Variants in SIPA1L1 observed in about 807,000 individuals in gnomAD.
SIPA1L1 encodes the protein signal induced proliferation associated 1 like 1, also known as signal-induced proliferation-associated 1-like protein 1.
SIPA1L1 carries 26 observed loss-of-function variants against 162.7 expected under a neutral mutation model. The ratio of observed to expected loss-of-function variants is 0.16; its 90% confidence interval spans 0.12 to 0.22. SIPA1L1 has a LOEUF of 0.22. Among genes scored for constraint, SIPA1L1 ranks in the 10% least tolerant of loss-of-function variants. The probability of loss-of-function intolerance (pLI) is 1.00; values close to 1 mark genes in which losing one functional copy is unlikely to be tolerated. For synonymous variants in SIPA1L1, 829 were observed against 837.4 expected (o/e 0.99, Z 0.17); for missense variants, 1,874 against 2,241.0 (o/e 0.84, Z 3.31).
chr14:71,521,187 C>A (rs2052318436), intron 3 of SIPA1L1, among the ~76,000 whole-genome samples: 1 of 152,200 alleles, frequency 6.6e-6, no homozygotes, highest in African/African-American at 2.4e-5. Context: ...TGGCTAGGTA[C>A]ATGGCTGACA....
chr14:71,692,466 C>G (rs982050186), intron 13 of SIPA1L1, among the ~76,000 whole-genome samples: 1 of 152,224 alleles, frequency 6.6e-6, no homozygotes, highest in South Asian at 2.1e-4. Context: ...CCGCATTTGA[C>G]TTAAAGTGAC....
chr14:71,473,871 T>A (rs989164394), intron 2 of SIPA1L1, among the ~76,000 whole-genome samples: 1 of 152,222 alleles, frequency 6.6e-6, no homozygotes, highest in Non-Finnish European at 1.5e-5. Context: ...GTCATTAAGC[T>A]GTTCTAAGAA....
At chr14:71,355,466 C>T (rs1310520200) in intron 2 of SIPA1L1, among the ~76,000 whole-genome samples, 1 of 152,196 alleles carries the variant, frequency 6.6e-6, no homozygotes, top group East Asian at 1.9e-4. Flanking sequence ...GCACGAAGTA[C>T]TGATCATTTT....
At chr14:71,393,661 C>CA (rs937919391) in intron 2 of SIPA1L1, among the ~76,000 whole-genome samples, 15 of 151,640 alleles carry the variant, frequency 9.9e-5, no homozygotes, top group Non-Finnish European at 1.5e-4. Context: ...CACACCCCAC[C>CA]AAAAAAAACT....
In SIPA1L1 at chr14:71,426,046, C is replaced by T. The variant is rs190769394; in HGVS notation, c.-464-86697C>T. The stretch of plus-strand genomic sequence containing the variant: ...TTGGTGACTATTTGCACGAAATAAT[C>T]GTTTTATTACTGCACTTAGAATCTG... On this transcript the variant is annotated intron_variant, in intron 2 of 23. Transcript: ENST00000381232. Among the ~76,000 whole-genome samples the T allele has an allele frequency of 2.1e-4, 32 of 152,174 alleles. No individual in the cohort carries two copies. The East Asian group carries it at 4.1e-3, about 19-fold the overall frequency.
At chr14:71,704,352 T>C (rs140942857) in intron 15 of SIPA1L1, among the ~76,000 whole-genome samples, 1 of 152,350 alleles carries the variant, frequency 6.6e-6, no homozygotes, top group Non-Finnish European at 1.5e-5. Context: ...CTTGCACTGA[T>C]TGAGAATGTT....
intron 2 of SIPA1L1, among the ~76,000 whole-genome samples, chr14:71,379,892 GCTCA>G (rs1412142882): frequency 8.5e-5 from 13 of 152,086 alleles, no homozygotes; most frequent in Admixed American, 5.9e-4. Flanking sequence ...TTGTTATGGG[GCTCA>G]CTATCACATA....
rs184165449 is a variant in SIPA1L1, at chr14:71,419,086, C to T, written c.-464-93657C>T. On this transcript the variant is annotated intron_variant, in intron 2 of 23. Coordinates refer to ENST00000381232, the MANE Select transcript of SIPA1L1 (RefSeq NM_001386936.1). Reference sequence around the variant, plus strand: ...CTCAGAGCAGGGGTGTTTCCTGAACCGTTGCTGTCTCAGCACATGACTAGC... The same window carrying T: ...CTCAGAGCAGGGGTGTTTCCTGAACTGTTGCTGTCTCAGCACATGACTAGC... Among the ~76,000 whole-genome samples the T allele has an allele frequency of 2.8e-3, 422 of 152,222 alleles. 1 individual carries two copies. Among genetic ancestry groups the T allele is most frequent in the African/African-American group, 9.2e-3 (382 of 41,524 alleles).
intron 10 of SIPA1L1, among the ~76,000 whole-genome samples, chr14:71,669,311 G>C (rs1464395997): frequency 6.6e-6 from 1 of 152,156 alleles, no homozygotes; most frequent in Non-Finnish European, 1.5e-5. Flanking sequence ...AAATGGATCT[G>C]CAGAAAGCCA....
At chr14:71,327,320 G>A (rs1303476130) in intron 2 of SIPA1L1, among the ~76,000 whole-genome samples, 1 of 152,154 alleles carries the variant, frequency 6.6e-6, no homozygotes, top group Non-Finnish European at 1.5e-5. Context: ...CTGACTTCAG[G>A]TGATCCGCCC....
intron 13 of SIPA1L1, among the ~76,000 whole-genome samples, chr14:71,689,401 G>A (rs768505272): frequency 5.9e-5 from 9 of 152,256 alleles, no homozygotes; most frequent in Non-Finnish European, 1.2e-4. Context: ...ATTAACATTC[G>A]TTCAACAGAA....
intron 7 of SIPA1L1, among the ~76,000 whole-genome samples, chr14:71,629,187 T>TC (rs1488818745): frequency 6.6e-6 from 1 of 152,206 alleles, no homozygotes; most frequent in East Asian, 1.9e-4. Flanking sequence ...TCCGCCTGCC[T>TC]CAGCCTCCCA....
Position 71,402,974 on chromosome 14 carries a change from T to C in SIPA1L1, c.-465+81793T>C, listed in dbSNP as rs1223718295. On this transcript the variant is annotated intron_variant, in intron 2 of 23. Coordinates refer to ENST00000381232, the MANE Select transcript of SIPA1L1 (RefSeq NM_001386936.1). ...CCTCTCCCTCCACATTTGGAATAGG[T>C]AGCCATCTTTAAAATAACATGTAAA... Among the ~76,000 whole-genome samples the C allele has an allele frequency of 5.9e-5, 9 of 152,162 alleles. No individual in the cohort carries two copies. In the East Asian group the frequency reaches 1.7e-3, roughly 29 times the overall value.
chr14:71,625,631 C>T (rs192375352), intron 7 of SIPA1L1, among the ~76,000 whole-genome samples: 38 of 152,286 alleles, frequency 2.5e-4, no homozygotes, highest in Admixed American at 1.7e-3. Context: ...GACATATAAA[C>T]GTAACTATTT....
At chr14:71,440,429 G>A (rs747732100) in intron 2 of SIPA1L1, among the ~76,000 whole-genome samples, 1 of 151,936 alleles carries the variant, frequency 6.6e-6, no homozygotes, top group South Asian at 2.1e-4. Flanking sequence ...GAGGCAGGCC[G>A]ACTACTTGAG....
In SIPA1L1 at chr14:71,447,943, T is replaced by C. The variant is rs181991496; in HGVS notation, c.-464-64800T>C. Reference sequence around the variant, plus strand: ...GCATAGTTATTTGACTAATGGCTCATTGTGAAAGTTCATGGTATTCCAAGG... The same window carrying C: ...GCATAGTTATTTGACTAATGGCTCACTGTGAAAGTTCATGGTATTCCAAGG... On this transcript the variant is annotated intron_variant, in intron 2 of 23. Coordinates refer to ENST00000381232, the MANE Select transcript of SIPA1L1 (RefSeq NM_001386936.1). 8.5e-5 allele frequency among the ~76,000 whole-genome samples: 13 copies of C among 152,276 alleles called. No individual in the cohort carries two copies. The East Asian group carries it at 2.5e-3, about 29-fold the overall frequency.
Position 71,553,522 on chromosome 14 carries a change from A to G in SIPA1L1, c.-303+24152A>G, listed in dbSNP as rs117546538. Among the ~76,000 whole-genome samples, 245 of 152,304 alleles carry G rather than the reference A, an allele frequency of 1.6e-3. 1 individual carries two copies. Among genetic ancestry groups the G allele is most frequent in the Non-Finnish European group, 2.8e-3 (192 of 68,024 alleles). On this transcript the variant is annotated intron_variant, in intron 4 of 23. Transcript: ENST00000381232. ...TCAGCCAAATAGGGTATTAGTTTGA[A>G]TGTTTTAATTGGATGTCAAGATAGG...
chr14:71,338,022 A>G (rs1280858453), intron 2 of SIPA1L1, among the ~76,000 whole-genome samples: 2 of 152,160 alleles, frequency 1.3e-5, no homozygotes, highest in African/African-American at 2.4e-5. Context: ...TTCCCTGCAT[A>G]TGGTACTCCT....
chr14:71,634,125 G>T (rs1250451024), intron 7 of SIPA1L1, among the ~76,000 whole-genome samples: 1 of 151,792 alleles, frequency 6.6e-6, no homozygotes, highest in Non-Finnish European at 1.5e-5. Flanking sequence ...GAACGGCTGG[G>T]CACGGTGGCT....
Sources: gnomAD v4.1 joint callset for allele counts (sites outside exome capture counted in the v4.1 genomes callset) on GRCh38, gnomAD v4.1.1 for gene constraint, MANE v1.5 for transcripts, NCBI Gene and HGNC (gene_info 2026-07-23, HGNC 2026-07-21) for gene names.